Variants in CAGE1 observed in about 807,000 individuals in gnomAD.
The protein encoded by CAGE1 is cancer-associated gene 1 protein.
A neutral mutation model predicts 94.9 loss-of-function variants in CAGE1; 66 were observed. The observed-to-expected ratio is 0.70, with a 90% CI of 0.57 to 0.85. The LOEUF (loss-of-function observed/expected upper bound fraction) is 0.85. Among genes scored for constraint, CAGE1 ranks in the 40% least tolerant of loss-of-function variants. CAGE1 has a pLI of 0.00. For synonymous variants in CAGE1, 319 were observed against 321.0 expected, an observed-to-expected ratio of 0.99 and a Z score of 0.07; for missense variants, 865 against 950.4, an observed-to-expected ratio of 0.91 and a Z score of 1.18.
At position 7,339,116 on chromosome 6, in the gene CAGE1, C is replaced by T. The variant is rs1244824653; in HGVS notation, c.2370-5026G>A. ...TGTGGATCATCAGGCCGTCCACAAA[C>T]TTCATGGATTTAGCTCTCTGTCCTC... On this transcript the variant is annotated intron_variant, in intron 11 of 13. Transcript: ENST00000502583. The surrounding 1 kb of genome is among the most constrained non-coding windows in gnomAD (Gnocchi z 4.7). 3.2e-6 allele frequency: 5 copies of T among 1,580,168 alleles called. No homozygotes were observed. The Admixed American group carries it at 6.7e-5, about 21-fold the overall frequency.
intron 8 of CAGE1, 59 bp downstream of exon 8, chr6:7,365,745 A>G (rs1233448141): frequency 1.5e-6 from 2 of 1,343,728 alleles, no homozygotes; most frequent in African/African-American, 2.9e-5. Flanking sequence ...AAAGAACATA[A>G]ATACCTGAAA....
chr6:7,339,620 T>C lies in CAGE1; in HGVS notation c.2370-5530A>G. Reference sequence around the variant, plus strand: ...AAGGCACTGTATCATTCTTATGCCTTTGTGTCCTCATAGCTTAGCTCCCAC... The same window carrying C: ...AAGGCACTGTATCATTCTTATGCCTCTGTGTCCTCATAGCTTAGCTCCCAC... On this transcript the variant is annotated intron_variant, in intron 11 of 13. Transcript: ENST00000502583. The surrounding 1 kb of genome is among the most constrained non-coding windows in gnomAD (Gnocchi z 4.7). 4 of 671,512 alleles carry C rather than the reference T, an allele frequency of 6.0e-6. No individual in the cohort carries two copies. The highest frequency in any genetic ancestry group is 2.1e-5 in the Admixed American group (1 of 47,180). 41.6% of individuals were successfully genotyped at this position (671,512 alleles called of 1,614,324 possible). A position where few individuals can be genotyped will look rare whatever the true frequency, so the allele number is the denominator to read the frequency against.
chr6:7,381,987 C>T (rs553692080), intron 3 of CAGE1, among the ~76,000 whole-genome samples: 1 of 151,494 alleles, frequency 6.6e-6, no homozygotes, highest in South Asian at 2.1e-4. Context: ...CTACAGGCGC[C>T]CACCATCACA....
intron 5 of CAGE1, among the ~76,000 whole-genome samples, chr6:7,371,155 C>G (rs1046573043): frequency 6.6e-6 from 1 of 151,404 alleles, no homozygotes; most frequent in Non-Finnish European, 1.5e-5. Context: ...GCAGCATCAA[C>G]AACTGGGATC....
chr6:7,370,916 T>C (rs1760518675), intron 5 of CAGE1, among the ~76,000 whole-genome samples: 1 of 152,080 alleles, frequency 6.6e-6, no homozygotes, highest in Non-Finnish European at 1.5e-5. Context: ...AGAACTAGAG[T>C]TCATGAAAAG....
At chr6:7,329,186 G>T in intron 13 of CAGE1, 1 of 400,328 alleles carries the variant, frequency 2.5e-6, no homozygotes, top group Non-Finnish European at 4.4e-6. Context: ...ACCCGCCTCG[G>T]CCTCCCAAAG....
At chr6:7,345,595 A>G (rs1054923695) in intron 11 of CAGE1, among the ~76,000 whole-genome samples, 2 of 152,224 alleles carry the variant, frequency 1.3e-5, no homozygotes, top group African/African-American at 2.4e-5. Context: ...AATAGCTTTC[A>G]TAGTAAACAG....
At chr6:7,341,965 A>T (rs1381345328) in intron 11 of CAGE1, 1 of 737,432 alleles carries the variant, frequency 1.4e-6, no homozygotes, top group Non-Finnish European at 2.5e-6. Context: ...CATCAGATCT[A>T]TGCAGAGCTT....
intron 4 of CAGE1, among the ~76,000 whole-genome samples, chr6:7,376,317 A>G (rs187916698): frequency 0.011 from 1,688 of 152,114 alleles, 26 homozygotes; most frequent in African/African-American, 0.039. Flanking sequence ...TGAACCCGGG[A>G]GGCGGAGGTT....
At chr6:7,344,431 AC>A (rs916300947) in intron 11 of CAGE1, among the ~76,000 whole-genome samples, 1 of 152,154 alleles carries the variant, frequency 6.6e-6, no homozygotes, top group Non-Finnish European at 1.5e-5. Flanking sequence ...TCGATTTCTC[AC>A]CGTGCCTTAG....
At chr6:7,382,365 G>A (rs954055780) in intron 3 of CAGE1, among the ~76,000 whole-genome samples, 1 of 151,750 alleles carries the variant, frequency 6.6e-6, no homozygotes, top group South Asian at 2.1e-4. Context: ...TCAGTGGCAC[G>A]ATCTCGGCTC....
Position 7,379,001 on chromosome 6 carries a change from G to T in CAGE1, c.303C>A (p.Tyr101Ter), listed in dbSNP as rs1255319846. The T allele has an allele frequency of 1.3e-6, 2 of 1,527,586 alleles. No homozygotes were observed. The highest frequency in any genetic ancestry group is 8.8e-7 in the Non-Finnish European group (1 of 1,137,876). The allele number at this position is 1,527,586 out of a possible 1,614,324, so 94.6% of individuals were successfully genotyped here. The change falls in exon 4 of 14, where the codon TAC becomes TAA. Residue 101 changes from tyrosine (Y) to a stop codon, truncating the protein, a stop_gained. Transcript: ENST00000502583. LOFTEE classifies it high-confidence loss of function. The part of the protein sequence containing the change: ...NLLNDNNIEN[Y>*]STNALIQPVD... Reference sequence around the variant, plus strand: ...CTGGCTGAATTAGTGCATTCGTTGAGTAATTTTCAATGTTGTTATCTCATA... The same window carrying T: ...CTGGCTGAATTAGTGCATTCGTTGATTAATTTTCAATGTTGTTATCTCATA...
At chr6:7,352,322 A>C (rs1199780322) in intron 11 of CAGE1, among the ~76,000 whole-genome samples, 1 of 150,072 alleles carries the variant, frequency 6.7e-6, no homozygotes, top group Non-Finnish European at 1.5e-5. Flanking sequence ...AAAACAAAAA[A>C]AAAAAACCTA....
At chr6:7,382,973 G>A (rs1446676025) in intron 3 of CAGE1, among the ~76,000 whole-genome samples, 3 of 152,166 alleles carry the variant, frequency 2.0e-5, no homozygotes, top group African/African-American at 7.2e-5. Context: ...GTTTGGCTCT[G>A]TGTTCCCACC....
At chr6:7,345,091 T>C (rs1759387008) in intron 11 of CAGE1, among the ~76,000 whole-genome samples, 1 of 151,778 alleles carries the variant, frequency 6.6e-6, no homozygotes, top group Non-Finnish European at 1.5e-5. Context: ...CACCCTGCAG[T>C]AAATCTTAAC....
In CAGE1 at chr6:7,373,404, A is replaced by C; in HGVS notation, c.1415T>G (p.Leu472Trp). ...LEKATASALDLLKREKEAQEQ... is the reference protein window; with the variant it reads ...LEKATASALDWLKREKEAQEQ... ...TTGGGCCTCTTTTTCCCGTTTCAAC[A>C]AGTCCAAAGCAGAAGCTGTGGCCTT... Residue 472 changes from leucine (L) to tryptophan (W), a missense_variant, in exon 5 of 14, where the codon TTG becomes TGG. By Grantham distance (61) the Leu-to-Trp change is moderately conservative (BLOSUM62 -2). Coordinates refer to ENST00000502583, the MANE Select transcript of CAGE1 (RefSeq NM_001170692.2). 6.2e-7 allele frequency: 1 copy of C among 1,613,840 alleles called. No individual in the cohort carries two copies.
Position 7,373,238 on chromosome 6 carries a change from T to C in CAGE1, c.1581A>G (p.Arg527=), listed in dbSNP as rs1464404894. The stretch of plus-strand genomic sequence containing the variant: ...GCTGCTGAAGTTTTATATTCTTCGT[T>C]CTTTCATTTTCAGACATAAATTGCA... ...RNLQFMSENE[R]TKNIKLQQQI... Residue 527 remains arginine (R), a synonymous_variant, in exon 5 of 14, where the codon AGA becomes AGG. Transcript: ENST00000502583. 13 of 1,606,424 alleles carry C rather than the reference T, an allele frequency of 8.1e-6. No homozygotes were observed. The highest frequency in any genetic ancestry group is 1.1e-5 in the Non-Finnish European group (13 of 1,175,714).
intron 12 of CAGE1, among the ~76,000 whole-genome samples, chr6:7,332,808 G>A (rs1045781028): frequency 1.3e-5 from 2 of 152,076 alleles, no homozygotes; most frequent in African/African-American, 2.4e-5. Flanking sequence ...GTCATGGAAG[G>A]GGTTCTCTGA....
At position 7,342,138 on chromosome 6, in the gene CAGE1, A is replaced by G. The variant is rs1581662541; in HGVS notation, c.2370-8048T>C. ...GGCTGATGAAGGCAGCTTCACAATC[A>G]CTCAGTTGGGGAACTGGATCAGGCT... On this transcript the variant is annotated intron_variant, in intron 11 of 13. Coordinates refer to ENST00000502583, the MANE Select transcript of CAGE1 (RefSeq NM_001170692.2). 9 of 1,009,152 alleles carry G rather than the reference A, an allele frequency of 8.9e-6. No homozygotes were observed. In the East Asian group the frequency reaches 2.1e-4, roughly 24 times the overall value. The allele number at this position is 1,009,152 out of a possible 1,614,324, so 62.5% of individuals were successfully genotyped here. A position where few individuals can be genotyped will look rare whatever the true frequency, so the allele number is the denominator to read the frequency against.
Sources: gnomAD v4.1 joint callset for allele counts (sites outside exome capture counted in the v4.1 genomes callset) on GRCh38, gnomAD v4.1.1 for gene constraint, Gnocchi (gnomAD v3.1) non-coding constraint, MANE v1.5 for transcripts, NCBI Gene and HGNC (gene_info 2026-07-23, HGNC 2026-07-21) for gene names.